Variants in TBC1D22A observed in about 807,000 individuals in gnomAD.
TBC1D22A encodes the protein TBC1 domain family member 22A, also known as putative GTPase activator.
A neutral mutation model predicts 60.2 loss-of-function variants in TBC1D22A; 38 were observed. That is an observed-to-expected ratio of 0.63 (90% CI 0.49 to 0.83). The LOEUF is 0.83. Ranked by LOEUF, TBC1D22A falls within the 40% of genes least tolerant of loss-of-function variation. The pLI is 0.00. For missense variants in TBC1D22A, 628 were observed against 701.0 expected (o/e 0.90, Z 1.18); for synonymous variants, 302 against 281.7 (o/e 1.07, Z -0.72).
chr22:46,794,874 C>A (rs2084585470), intron 3 of TBC1D22A, among the ~76,000 whole-genome samples: 1 of 152,218 alleles, frequency 6.6e-6, no homozygotes, highest in Admixed American at 6.5e-5. Flanking sequence ...ATAGGTACCT[C>A]CCTCCAAGGT....
chr22:47,014,479 C>A (rs935883160), intron 10 of TBC1D22A, among the ~76,000 whole-genome samples: 2 of 152,210 alleles, frequency 1.3e-5, no homozygotes, highest in East Asian at 3.9e-4. Flanking sequence ...GGCTCCCGCT[C>A]GCAGCCATGT....
intron 10 of TBC1D22A, among the ~76,000 whole-genome samples, chr22:47,036,732 A>G (rs1372731484): frequency 1.3e-5 from 2 of 152,084 alleles, no homozygotes; most frequent in East Asian, 1.9e-4. Flanking sequence ...GCTTCTGTGG[A>G]GCGGGGAAAG....
At chr22:46,763,526 C>T (rs1187064575) in intron 1 of TBC1D22A, among the ~76,000 whole-genome samples, 2 of 145,706 alleles carry the variant, frequency 1.4e-5, no homozygotes, top group Non-Finnish European at 3.0e-5. Flanking sequence ...ATGCCAGGGC[C>T]CTAGGGAATG....
intron 4 of TBC1D22A, among the ~76,000 whole-genome samples, chr22:46,859,146 C>T (rs1235374845): frequency 1.9e-5 from 2 of 107,544 alleles, no homozygotes; most frequent in Non-Finnish European, 3.7e-5. Context: ...AGTGCCGTGC[C>T]CCTTCCCGGG....
chr22:47,106,430 GA>G (rs1233022896), intron 11 of TBC1D22A, among the ~76,000 whole-genome samples: 1 of 152,190 alleles, frequency 6.6e-6, no homozygotes, highest in Non-Finnish European at 1.5e-5. Context: ...GCTTATGAAG[GA>G]ATGACAAATA....
intron 4 of TBC1D22A, among the ~76,000 whole-genome samples, chr22:46,878,286 G>C (rs1476091423): frequency 0.11 from 11 of 104 alleles, no homozygotes; most frequent in Admixed American, 0.25. Flanking sequence ...CTTCAGGAGA[G>C]AGTGGGGGGA....
At chr22:46,789,431 C>A in intron 1 of TBC1D22A, 1 of 411,004 alleles carries the variant, frequency 2.4e-6, no homozygotes. Flanking sequence ...TTGTAGGAAT[C>A]ATCATAGAAC....
chr22:47,157,372 T>C (rs1003809001), intron 12 of TBC1D22A, among the ~76,000 whole-genome samples: 4 of 152,260 alleles, frequency 2.6e-5, no homozygotes, highest in Non-Finnish European at 5.9e-5. Context: ...CTGCAGACTC[T>C]GACACCGCAC....
intron 9 of TBC1D22A, among the ~76,000 whole-genome samples, chr22:46,981,986 G>T (rs369027789): frequency 2.6e-5 from 4 of 152,208 alleles, no homozygotes; most frequent in African/African-American, 9.7e-5. Flanking sequence ...ATAGACCAAG[G>T]TCTGGGTGGG....
At chr22:46,829,511 T>C (rs2086215858) in intron 4 of TBC1D22A, among the ~76,000 whole-genome samples, 1 of 152,182 alleles carries the variant, frequency 6.6e-6, no homozygotes, top group African/African-American at 2.4e-5. Context: ...ACCGACTTAC[T>C]AGCACGGAGA....
intron 7 of TBC1D22A, among the ~76,000 whole-genome samples, chr22:46,908,122 G>A (rs2069623824): frequency 6.6e-6 from 1 of 152,252 alleles, no homozygotes; most frequent in Admixed American, 6.5e-5. Context: ...ATTTTTAGCA[G>A]CAACCTCTGC....
chr22:46,899,168 C>T (rs769033564), intron 7 of TBC1D22A, among the ~76,000 whole-genome samples: 18 of 152,046 alleles, frequency 1.2e-4, no homozygotes, highest in Admixed American at 2.6e-4. Context: ...TTGTCTTGGC[C>T]GGGCGTGGTG....
intron 12 of TBC1D22A, among the ~76,000 whole-genome samples, chr22:47,159,331 A>ACACACCATGTACACAC (rs1556338883): frequency 1.3e-5 from 1 of 77,506 alleles, no homozygotes; most frequent in African/African-American, 3.1e-5. Context: ...ACACATGTAT[A>ACACACCATGTACACAC]CACACACACC....
intron 11 of TBC1D22A, among the ~76,000 whole-genome samples, chr22:47,086,274 G>A (rs1466208226): frequency 2.6e-5 from 4 of 152,136 alleles, no homozygotes; most frequent in Admixed American, 6.5e-5. Flanking sequence ...AGATCAGCCT[G>A]GAGAAACCCC....
rs113648686 is a variant in TBC1D22A, at chr22:46,953,866, A to G, written c.1016-20424A>G. Among the ~76,000 whole-genome samples, 9 of 152,204 alleles carry G rather than the reference A, an allele frequency of 5.9e-5. 1 individual carries two copies. In the South Asian group the frequency reaches 6.2e-4, roughly 11 times the overall value. ...GCTGTGCATGTGTGTGATTCTCCCA[A>G]CACCCTTAAGAGGGAGGCAGGGAGG... is the stretch of plus-strand genomic sequence containing the variant. On this transcript the variant is annotated intron_variant, in intron 8 of 12. Coordinates refer to ENST00000337137, the MANE Select transcript of TBC1D22A (RefSeq NM_014346.5).
At chr22:47,036,734 CG>C (rs1234308866) in intron 10 of TBC1D22A, among the ~76,000 whole-genome samples, 1 of 152,184 alleles carries the variant, frequency 6.6e-6, no homozygotes, top group Non-Finnish European at 1.5e-5. Context: ...TTCTGTGGAG[CG>C]GGGAAAGAGC....
chr22:47,063,433 G>A (rs2063648852), intron 11 of TBC1D22A, among the ~76,000 whole-genome samples: 1 of 152,172 alleles, frequency 6.6e-6, no homozygotes, highest in Non-Finnish European at 1.5e-5. Flanking sequence ...TCGTCTGGGT[G>A]ATGGAGAGGA....
intron 8 of TBC1D22A, among the ~76,000 whole-genome samples, chr22:46,954,486 G>A (rs1392675039): frequency 1.3e-5 from 2 of 152,220 alleles, no homozygotes; most frequent in Non-Finnish European, 2.9e-5. Flanking sequence ...ACACACTCGA[G>A]CATCTTGCCT....
intron 8 of TBC1D22A, among the ~76,000 whole-genome samples, chr22:46,961,001 G>A (rs1480596136): frequency 1.5e-5 from 2 of 135,770 alleles, no homozygotes; most frequent in African/African-American, 5.5e-5. Flanking sequence ...TAGCTAAGAG[G>A]ACACATCTCA....
Sources: allele counts gnomAD v4.1 joint callset (sites outside exome capture counted in the v4.1 genomes callset), GRCh38; gene constraint gnomAD v4.1.1; transcripts MANE v1.5; gene names NCBI Gene and HGNC (gene_info 2026-07-23, HGNC 2026-07-21).